The following ANKS1B variants were observed in gnomAD, a reference collection of about 807,000 sequenced individuals.
ANKS1B encodes the protein ankyrin repeat and sterile alpha motif domain containing 1B.
In ANKS1B, 36 loss-of-function variants were observed where a neutral mutation model predicts 148.3. The observed-to-expected ratio is 0.24, with a 90% CI of 0.19 to 0.32. The LOEUF (loss-of-function observed/expected upper bound fraction) is 0.32, where lower values mean the gene tolerates loss of function less well. Among genes scored for constraint, ANKS1B ranks in the 10% least tolerant of loss-of-function variants. The pLI, the probability that ANKS1B is intolerant of heterozygous loss-of-function variation, is 1.00. For missense variants in ANKS1B, 1,157 were observed against 1,542.6 expected, an observed-to-expected ratio of 0.75 and a Z score of 4.19; for synonymous variants, 542 against 560.8, an observed-to-expected ratio of 0.97 and a Z score of 0.47.
At chr12:99,408,192 C>G (rs2094577530) in intron 11 of ANKS1B, among the ~76,000 whole-genome samples, 1 of 145,648 alleles carries the variant, frequency 6.9e-6, no homozygotes, top group Non-Finnish European at 1.5e-5. Context: ...AGGAACAAAT[C>G]TATACACTGA....
chr12:99,259,402 C>T (rs2075678305), intron 12 of ANKS1B, among the ~76,000 whole-genome samples: 2 of 152,210 alleles, frequency 1.3e-5, no homozygotes, highest in Admixed American at 6.5e-5. Context: ...CAGGTAAGCT[C>T]TGTTGTTTCC....
At position 98,952,598 on chromosome 12, in the gene ANKS1B, G is replaced by C. The variant is rs1009210174; in HGVS notation, c.2778+100559C>G. On this transcript the variant is annotated intron_variant, in intron 17 of 26. Transcript: ENST00000683438. ...CCAGGACCCTCGGCGATCAATACCTGCCTCGTGGTTTCAATGATCATCACT... is the reference window on the plus strand; with the variant it reads ...CCAGGACCCTCGGCGATCAATACCTCCCTCGTGGTTTCAATGATCATCACT... Among the ~76,000 whole-genome samples the C allele has an allele frequency of 6.6e-5, 10 of 152,208 alleles. No individual in the cohort carries two copies. The South Asian group carries it at 8.3e-4, about 13-fold the overall frequency.
intron 8 of ANKS1B, among the ~76,000 whole-genome samples, chr12:99,770,223 CTGAG>C (rs1007640545): frequency 6.6e-6 from 1 of 152,026 alleles, no homozygotes; most frequent in Non-Finnish European, 1.5e-5. Context: ...ATAGCAAAAA[CTGAG>C]TAAGTGTCAG....
intron 11 of ANKS1B, among the ~76,000 whole-genome samples, chr12:99,431,795 C>T (rs1387139937): frequency 6.6e-6 from 1 of 152,160 alleles, no homozygotes; most frequent in Non-Finnish European, 1.5e-5. Flanking sequence ...CTATTCTTCT[C>T]CCTGGACTAT....
At chr12:99,950,544 T>C (rs2095192160) in intron 1 of ANKS1B, among the ~76,000 whole-genome samples, 2 of 152,214 alleles carry the variant, frequency 1.3e-5, no homozygotes, top group Admixed American at 6.5e-5. Context: ...AATGTAATTA[T>C]GTTTATGTTT....
chr12:99,692,417 T>G (rs1349476688), intron 8 of ANKS1B, among the ~76,000 whole-genome samples: 1 of 152,082 alleles, frequency 6.6e-6, no homozygotes, highest in Admixed American at 6.5e-5. Flanking sequence ...ATGCCTGTAA[T>G]CCCAGCACTT....
At chr12:99,365,929 A>G (rs1465885579) in intron 12 of ANKS1B, among the ~76,000 whole-genome samples, 1 of 152,348 alleles carries the variant, frequency 6.6e-6, no homozygotes, top group East Asian at 1.9e-4. Context: ...AGAATAATAA[A>G]AATCAACAAA....
chr12:98,873,580 T>C (rs994485042), intron 17 of ANKS1B, among the ~76,000 whole-genome samples: 1 of 152,180 alleles, frequency 6.6e-6, no homozygotes, highest in Non-Finnish European at 1.5e-5. Context: ...AGAAGAGACC[T>C]TGACAACCTG....
intron 12 of ANKS1B, among the ~76,000 whole-genome samples, chr12:99,334,741 A>T (rs1244717275): frequency 6.6e-6 from 1 of 152,040 alleles, no homozygotes; most frequent in Non-Finnish European, 1.5e-5. Context: ...GAGATGAGTC[A>T]ATTATTTTAT....
chr12:99,593,783 T>C (rs953296638), intron 9 of ANKS1B, among the ~76,000 whole-genome samples: 4 of 152,146 alleles, frequency 2.6e-5, no homozygotes, highest in African/African-American at 9.7e-5. Flanking sequence ...CAATAGCATT[T>C]AAATTCCATG....
chr12:99,509,445 A>G (rs2096742467), intron 9 of ANKS1B, among the ~76,000 whole-genome samples: 1 of 151,986 alleles, frequency 6.6e-6, no homozygotes, highest in Non-Finnish European at 1.5e-5. Context: ...AGAAAGGGAA[A>G]CAGTCTTATT....
chr12:99,593,970 C>T (rs768816872), intron 9 of ANKS1B, among the ~76,000 whole-genome samples: 4 of 151,632 alleles, frequency 2.6e-5, no homozygotes, highest in Admixed American at 6.6e-5. Flanking sequence ...TTTTAATCTC[C>T]GTCTTGACAG....
chr12:99,207,783 G>C (rs1162790017), intron 14 of ANKS1B, among the ~76,000 whole-genome samples: 1 of 151,956 alleles, frequency 6.6e-6, no homozygotes, highest in Non-Finnish European at 1.5e-5. Flanking sequence ...TTTTTGTTAA[G>C]GAAGAAAGAG....
At chr12:98,994,043 A>G (rs57271467) in intron 17 of ANKS1B, among the ~76,000 whole-genome samples, 2,056 of 152,284 alleles carry the variant, frequency 0.014, 44 homozygotes, top group African/African-American at 0.047. Context: ...ACTTTTACAC[A>G]ATGTTCCTGT....
At chr12:99,650,500 CCA>C (rs1003616845) in intron 9 of ANKS1B, among the ~76,000 whole-genome samples, 2 of 152,098 alleles carry the variant, frequency 1.3e-5, no homozygotes, top group African/African-American at 2.4e-5. Flanking sequence ...CTTAATTTTC[CCA>C]GTCTCTTCAT....
At chr12:99,025,391 A>C (rs940317589) in intron 17 of ANKS1B, among the ~76,000 whole-genome samples, 2 of 152,218 alleles carry the variant, frequency 1.3e-5, no homozygotes, top group African/African-American at 4.8e-5. Context: ...TTTTGAGTTC[A>C]TTTGAAAGAA....
At chr12:99,110,774 CT>C (rs78859280) in intron 15 of ANKS1B, among the ~76,000 whole-genome samples, 3 of 151,930 alleles carry the variant, frequency 2.0e-5, no homozygotes, top group East Asian at 3.9e-4. Flanking sequence ...TGAATTTGTA[CT>C]TTTTTTTGTT....
chr12:99,256,259 A>G (rs1016949479), intron 12 of ANKS1B, among the ~76,000 whole-genome samples: 5 of 151,794 alleles, frequency 3.3e-5, no homozygotes, highest in African/African-American at 9.7e-5. Flanking sequence ...CAAAAAAAAA[A>G]AAGAAAAAAA....
In ANKS1B at chr12:99,984,769, G is replaced by C. The variant is rs2095754397; in HGVS notation, c.-532C>G. On this transcript the variant is annotated 5_prime_UTR_variant, in exon 1 of 27. Transcript: ENST00000683438. ...GTCCGCGGCGGGGAGGAGCGCGGCG[G>C]CGGCGGCGGCGGCTCGTGCGCTGTG... 1 of 148,468 alleles carries C rather than the reference G, an allele frequency of 6.7e-6. No homozygotes were observed. The highest frequency in any genetic ancestry group is 1.5e-5 in the Non-Finnish European group (1 of 66,772). 9.2% of individuals were successfully genotyped at this position (148,468 alleles called of 1,614,324 possible). A position where few individuals can be genotyped will look rare whatever the true frequency, so the allele number is the denominator to read the frequency against.
Sources: gnomAD v4.1 joint callset for allele counts (sites outside exome capture counted in the v4.1 genomes callset) on GRCh38, gnomAD v4.1.1 for gene constraint, MANE v1.5 for transcripts, NCBI Gene and HGNC (gene_info 2026-07-23, HGNC 2026-07-21) for gene names.